The following PRKCA variants were observed in gnomAD, a reference collection of about 807,000 sequenced individuals.
PRKCA encodes protein kinase C alpha.
Under a neutral mutation model 87.0 loss-of-function variants are expected in PRKCA, and 27 were observed. The observed-to-expected ratio is 0.31, with a 90% CI of 0.23 to 0.43. The LOEUF (loss-of-function observed/expected upper bound fraction) is 0.43. Among genes scored for constraint, PRKCA ranks in the 20% least tolerant of loss-of-function variants. The probability of loss-of-function intolerance (pLI) is 1.00; values close to 1 mark genes in which losing one functional copy is unlikely to be tolerated. For missense variants in PRKCA, 518 were observed against 852.3 expected, an observed-to-expected ratio of 0.61 and a Z score of 4.88; for synonymous variants, 329 against 311.1, an observed-to-expected ratio of 1.06 and a Z score of -0.61.
chr17:66,709,550 C>G (rs1376977165), intron 8 of PRKCA, among the ~76,000 whole-genome samples: 1 of 151,904 alleles, frequency 6.6e-6, no homozygotes, highest in African/African-American at 2.4e-5. Context: ...CTCAAGTGAT[C>G]CACCCACCTC....
chr17:66,558,448 G>A (rs903800026), intron 3 of PRKCA, among the ~76,000 whole-genome samples: 2 of 152,178 alleles, frequency 1.3e-5, no homozygotes, highest in Admixed American at 6.5e-5. Flanking sequence ...TCAGTGTAGG[G>A]AGAGGAGAGG....
chr17:66,389,342 G>A (rs1441138675), intron 2 of PRKCA, among the ~76,000 whole-genome samples: 1 of 152,226 alleles, frequency 6.6e-6, no homozygotes, highest in Admixed American at 6.5e-5. Flanking sequence ...CTCTCCTGCA[G>A]CGTAGTGGAT....
intron 2 of PRKCA, among the ~76,000 whole-genome samples, chr17:66,323,943 A>C (rs1176965951): frequency 6.6e-6 from 1 of 152,074 alleles, no homozygotes; most frequent in Admixed American, 6.6e-5. Context: ...TCTGACTCAA[A>C]AAAAAATTGC....
chr17:66,722,400 CCCTAATA>C (rs1431548533), intron 8 of PRKCA, among the ~76,000 whole-genome samples: 1 of 152,076 alleles, frequency 6.6e-6, no homozygotes, highest in Non-Finnish European at 1.5e-5. Flanking sequence ...TTGAAAAAAC[CCCTAATA>C]GGGAGCTGAA....
At chr17:66,669,682 C>T (rs114203095) in intron 5 of PRKCA, among the ~76,000 whole-genome samples, 2,108 of 152,262 alleles carry the variant, frequency 0.014, 57 homozygotes, top group African/African-American at 0.048. Context: ...GGGCAGATCA[C>T]TTGAACTCAG....
chr17:66,788,895 C>A lies in PRKCA; in HGVS notation c.1770C>A (p.Asp590Glu). The A allele has an allele frequency of 8.1e-6, 13 of 1,614,060 alleles. No individual in the cohort carries two copies. The highest frequency in any genetic ancestry group is 1.1e-5 in the Non-Finnish European group (13 of 1,179,988). ...RLGCGPEGER[D>E]VREHAFFRRI... is the part of the protein sequence containing the mutation. ...GCTGTGGGCCTGAGGGGGAGAGGGA[C>A]GTGAGAGAGCATGCCTTCTTCCGGA... Residue 590 changes from aspartate (D) to glutamate (E), a missense_variant, in exon 16 of 17, where the codon GAC becomes GAA. This residue lies in a region of PRKCA where 159 missense variants were observed against 232.4 expected (regional missense o/e 0.68). Transcript: ENST00000413366.
rs572221378 is a variant in PRKCA, at chr17:66,797,359, T to C, written c.1855-6514T>C. Among the ~76,000 whole-genome samples, 43 of 152,240 alleles carry C rather than the reference T, an allele frequency of 2.8e-4. 1 individual carries two copies. Among genetic ancestry groups the C allele is most frequent in the Non-Finnish European group, 3.8e-4 (26 of 68,040 alleles). On this transcript the variant is annotated intron_variant, in intron 16 of 16. Transcript: ENST00000413366. ...ATTTCTCTTGGGTCCGTTGCATTCA[T>C]TGAAGTTTGACCAAATGGGTAGGAA...
At position 66,364,901 on chromosome 17, in the gene PRKCA, G is replaced by A. The variant is rs572845506; in HGVS notation, c.205+58774G>A. 4.6e-5 allele frequency among the ~76,000 whole-genome samples: 7 copies of A among 152,106 alleles called. No individual in the cohort carries two copies. In the South Asian group the frequency reaches 1.3e-3, roughly 27 times the overall value. ...CGTGAGTGGCTCAGTGAAGGCTTTC[G>A]AATACTATTTTCCCACTTGCATACT... On this transcript the variant is annotated intron_variant, in intron 2 of 16. Transcript: ENST00000413366.
At chr17:66,712,176 G>T (rs556790074) in intron 8 of PRKCA, among the ~76,000 whole-genome samples, 2 of 152,260 alleles carry the variant, frequency 1.3e-5, no homozygotes, top group South Asian at 2.1e-4. Context: ...TCAGAGGAAA[G>T]AGGCACCTCT....
chr17:66,471,103 A>G (rs904837548), intron 2 of PRKCA, among the ~76,000 whole-genome samples: 1 of 151,786 alleles, frequency 6.6e-6, no homozygotes, highest in African/African-American at 2.4e-5. Flanking sequence ...TTTAGGACAT[A>G]TTCTCTCATT....
At chr17:66,669,032 T>G (rs866644858) in intron 5 of PRKCA, among the ~76,000 whole-genome samples, 5 of 151,862 alleles carry the variant, frequency 3.3e-5, no homozygotes, top group Non-Finnish European at 5.9e-5. Flanking sequence ...AGCCCATGAG[T>G]TCAAGGCTGC....
At chr17:66,502,535 C>A (rs1598725263) in intron 3 of PRKCA, among the ~76,000 whole-genome samples, 2 of 151,862 alleles carry the variant, frequency 1.3e-5, no homozygotes, top group African/African-American at 4.8e-5. Context: ...GTGTCTGGCC[C>A]TTTTTAAAAT....
At chr17:66,561,336 A>G (rs1054468775) in intron 3 of PRKCA, among the ~76,000 whole-genome samples, 2 of 152,220 alleles carry the variant, frequency 1.3e-5, no homozygotes, top group Non-Finnish European at 2.9e-5. Flanking sequence ...GTGAAACTCA[A>G]CTAGAGTGCA....
intron 3 of PRKCA, among the ~76,000 whole-genome samples, chr17:66,568,329 A>C (rs1968960980): frequency 6.6e-6 from 1 of 152,020 alleles, no homozygotes; most frequent in African/African-American, 2.4e-5. Flanking sequence ...ACCCCCAAAA[A>C]ATAGATGTGC....
chr17:66,414,251 G>A (rs557614257), intron 2 of PRKCA, among the ~76,000 whole-genome samples: 4 of 152,088 alleles, frequency 2.6e-5, no homozygotes, highest in Non-Finnish European at 5.9e-5. Context: ...CTTCAGGAAT[G>A]GTTTAGCCCC....
intron 3 of PRKCA, among the ~76,000 whole-genome samples, chr17:66,545,228 A>G (rs1968109212): frequency 6.6e-6 from 1 of 152,122 alleles, no homozygotes; most frequent in Admixed American, 6.5e-5. Context: ...GGAGATCGAG[A>G]CCATCCTGGC....
chr17:66,714,455 G>A (rs1973422568), intron 8 of PRKCA, among the ~76,000 whole-genome samples: 1 of 152,154 alleles, frequency 6.6e-6, no homozygotes, highest in Admixed American at 6.5e-5. Flanking sequence ...CAGCTCCTCA[G>A]TCCTGTCCAA....
intron 2 of PRKCA, among the ~76,000 whole-genome samples, chr17:66,495,638 C>T (rs1916444607): frequency 6.6e-6 from 1 of 150,878 alleles, no homozygotes; most frequent in Admixed American, 6.6e-5. Flanking sequence ...CTGCAACCTC[C>T]ACCTCCCACG....
intron 2 of PRKCA, among the ~76,000 whole-genome samples, chr17:66,478,373 G>T (rs185258262): frequency 2.0e-5 from 3 of 152,228 alleles, no homozygotes; most frequent in Admixed American, 2.0e-4. Context: ...TCCTGCCTCA[G>T]CCTCCCGAGT....
Sources: gnomAD v4.1 joint callset for allele counts (sites outside exome capture counted in the v4.1 genomes callset) on GRCh38, gnomAD v4.1.1 for gene constraint, gnomAD v4.1.1 regional missense constraint, MANE v1.5 for transcripts, NCBI Gene and HGNC (gene_info 2026-07-23, HGNC 2026-07-21) for gene names.